The following BABAM2 variants were observed in gnomAD, a reference collection of about 807,000 sequenced individuals.
BABAM2 encodes BRISC and BRCA1-A complex member 2.
In BABAM2, 31 loss-of-function variants were observed where a neutral mutation model predicts 54.7. The observed-to-expected ratio is 0.57, with a 90% CI of 0.43 to 0.77. The LOEUF is 0.77. Among genes scored for constraint, BABAM2 ranks in the 30% least tolerant of loss-of-function variants. The pLI, the probability that BABAM2 is intolerant of heterozygous loss-of-function variation, is 0.00. For missense variants in BABAM2, 364 were observed against 455.8 expected (o/e 0.80, Z 1.83); for synonymous variants, 167 against 162.9 (o/e 1.03, Z -0.19).
intron 6 of BABAM2, among the ~76,000 whole-genome samples, chr2:28,084,496 C>G (rs1665466099): frequency 6.6e-6 from 1 of 152,036 alleles, no homozygotes; most frequent in Non-Finnish European, 1.5e-5. Context: ...ATCTATGGAT[C>G]AATTACTTTC....
Position 28,152,446 on chromosome 2 carries a change from T to C in BABAM2, c.680+23066T>C, listed in dbSNP as rs138443207. Among the ~76,000 whole-genome samples the C allele has an allele frequency of 3.7e-3, 570 of 152,286 alleles. 11 individuals are homozygous for C. The South Asian group carries it at 0.045, about 12-fold the overall frequency. On this transcript the variant is annotated intron_variant, in intron 7 of 11. Coordinates refer to ENST00000379624, the MANE Select transcript of BABAM2 (RefSeq NM_199191.3). ...AGGGATCTTTCTCCTCCTCCAAGTC[T>C]AACCTCCGCCTTTTTTGGGTTTGGC...
At chr2:28,073,118 T>G (rs1664321534) in intron 6 of BABAM2, among the ~76,000 whole-genome samples, 2 of 152,216 alleles carry the variant, frequency 1.3e-5, no homozygotes, top group Non-Finnish European at 2.9e-5. Context: ...AATCCTCCCC[T>G]TCTCATCTTT....
chr2:28,110,592 C>G (rs1164334940), intron 6 of BABAM2, among the ~76,000 whole-genome samples: 1 of 151,636 alleles, frequency 6.6e-6, no homozygotes, highest in African/African-American at 2.4e-5. Flanking sequence ...CCATTGCACT[C>G]CAGCCTGGGT....
chr2:28,118,179 C>CTA (rs1668766486), intron 6 of BABAM2, among the ~76,000 whole-genome samples: 1 of 152,124 alleles, frequency 6.6e-6, no homozygotes, highest in South Asian at 2.1e-4. Flanking sequence ...TGCAGTAAAC[C>CTA]TATGTATGCA....
chr2:28,180,946 A>G lies in BABAM2; in HGVS notation c.680+51566A>G, dbSNP rs1420990006. Among the ~76,000 whole-genome samples, 4 of 152,218 alleles carry G rather than the reference A, an allele frequency of 2.6e-5. No individual in the cohort carries two copies. The East Asian group carries it at 7.7e-4, about 29-fold the overall frequency. Reference sequence around the variant, plus strand: ...CCCAGGTAGGATGGCAATTATTAAAAAGACAAAAACAACAGATGTCTAGTG... The same window carrying G: ...CCCAGGTAGGATGGCAATTATTAAAGAGACAAAAACAACAGATGTCTAGTG... On this transcript the variant is annotated intron_variant, in intron 7 of 11. Coordinates refer to ENST00000379624, the MANE Select transcript of BABAM2 (RefSeq NM_199191.3).
At chr2:28,284,349 A>G (rs1028938519) in intron 10 of BABAM2, among the ~76,000 whole-genome samples, 3 of 152,144 alleles carry the variant, frequency 2.0e-5, no homozygotes, top group African/African-American at 7.2e-5. Flanking sequence ...TCACAGGCCA[A>G]AGAGGTAATC....
intron 2 of BABAM2, chr2:27,896,511 A>G (rs1558568601): frequency 6.6e-6 from 1 of 152,366 alleles, no homozygotes; most frequent in Non-Finnish European, 1.5e-5. Flanking sequence ...TACCAATAGA[A>G]GCCTAGTCTC....
intron 9 of BABAM2, 83 bp downstream of exon 9, chr2:28,241,476 T>C (rs1682423731): frequency 1.5e-6 from 2 of 1,309,790 alleles, no homozygotes; most frequent in African/African-American, 2.9e-5. Context: ...ATTAAGAAAA[T>C]AGCACTTAGT....
intron 7 of BABAM2, among the ~76,000 whole-genome samples, chr2:28,142,606 A>G (rs989131780): frequency 6.6e-6 from 1 of 152,070 alleles, no homozygotes; most frequent in Non-Finnish European, 1.5e-5. Context: ...CTTTGTGCCA[A>G]GTTTTTATCC....
intron 4 of BABAM2, among the ~76,000 whole-genome samples, chr2:28,011,314 A>C (rs1674379828): frequency 6.6e-6 from 1 of 152,136 alleles, no homozygotes; most frequent in Non-Finnish European, 1.5e-5. Flanking sequence ...CTTTGTGGAT[A>C]TCCTTTCCTT....
Position 27,982,882 on chromosome 2 carries a change from C to CACACACACAT in BABAM2, c.206-5110_206-5109insCACACACATA, listed in dbSNP as rs746699740. 3.1e-4 allele frequency among the ~76,000 whole-genome samples: 46 copies of CACACACACAT among 146,442 alleles called. 1 individual carries two copies. Among genetic ancestry groups the CACACACACAT allele is most frequent in the African/African-American group, 8.6e-4 (35 of 40,558 alleles). ...ACACACACACACACACACACACACA[C>CACACACACAT]ATATATGTCACATTTGGTTTATCCA... is the stretch of plus-strand genomic sequence containing the variant. On this transcript the variant is annotated intron_variant, in intron 3 of 11. Coordinates refer to ENST00000379624, the MANE Select transcript of BABAM2 (RefSeq NM_199191.3).
At chr2:28,286,051 G>A (rs1169539988) in intron 10 of BABAM2, among the ~76,000 whole-genome samples, 1 of 151,572 alleles carries the variant, frequency 6.6e-6, no homozygotes, top group Non-Finnish European at 1.5e-5. Context: ...TACCTCCTGG[G>A]TTCAAGCAAT....
intron 11 of BABAM2, among the ~76,000 whole-genome samples, chr2:28,315,664 A>ATT (rs568389461): frequency 1.4e-5 from 2 of 140,452 alleles, no homozygotes; most frequent in African/African-American, 5.2e-5. Context: ...TTTATTTTTT[A>ATT]TTTTTTTTTT....
Position 27,974,974 on chromosome 2 carries a change from G to A in BABAM2, c.206-13019G>A, listed in dbSNP as rs60032765. 4.2e-3 allele frequency among the ~76,000 whole-genome samples: 644 copies of A among 152,014 alleles called. 4 individuals are homozygous for A. Among genetic ancestry groups the A allele is most frequent in the African/African-American group, 0.015 (616 of 41,502 alleles). The stretch of plus-strand genomic sequence containing the variant: ...ATCAGAAACAGAAAGTTAAAAAATA[G>A]TACCAATTATAATACCTTCCTGCCA... On this transcript the variant is annotated intron_variant, in intron 3 of 11. Coordinates refer to ENST00000379624, the MANE Select transcript of BABAM2 (RefSeq NM_199191.3).
intron 7 of BABAM2, among the ~76,000 whole-genome samples, chr2:28,234,825 A>C (rs1398704135): frequency 2.0e-5 from 3 of 152,238 alleles, no homozygotes; most frequent in Admixed American, 2.0e-4. Context: ...TTATTTGTGC[A>C]TACACAAAGA....
intron 2 of BABAM2, among the ~76,000 whole-genome samples, chr2:27,899,356 T>C (rs1665595193): frequency 6.6e-6 from 1 of 152,180 alleles, no homozygotes; most frequent in Admixed American, 6.5e-5. Context: ...TAAAGTCTTG[T>C]TGCTTCTTTT....
intron 7 of BABAM2, among the ~76,000 whole-genome samples, chr2:28,235,752 T>G (rs1681849004): frequency 6.6e-6 from 1 of 152,090 alleles, no homozygotes. Flanking sequence ...TGCCTCCAAG[T>G]TCAAGTGATC....
intron 11 of BABAM2, among the ~76,000 whole-genome samples, chr2:28,306,591 C>T (rs971537131): frequency 5.9e-5 from 9 of 152,042 alleles, no homozygotes; most frequent in Admixed American, 5.9e-4. Context: ...TTTCTTTATC[C>T]TGTCTGTGTC....
At chr2:28,214,454 C>T (rs550046953) in intron 7 of BABAM2, among the ~76,000 whole-genome samples, 5 of 151,888 alleles carry the variant, frequency 3.3e-5, no homozygotes, top group East Asian at 1.9e-4. Context: ...TCTTGTTGAC[C>T]TTGTGTTCAT....
Sources: gnomAD v4.1 joint callset for allele counts (sites outside exome capture counted in the v4.1 genomes callset) on GRCh38, gnomAD v4.1.1 for gene constraint, MANE v1.5 for transcripts, NCBI Gene and HGNC (gene_info 2026-07-23, HGNC 2026-07-21) for gene names.